RNF216: variants seen among roughly 807,000 people sequenced by gnomAD.
The protein encoded by RNF216 is E3 ubiquitin-protein ligase RNF216.
Under a neutral mutation model 110.8 loss-of-function variants are expected in RNF216, and 72 were observed. That is an observed-to-expected ratio of 0.65 (90% CI 0.54 to 0.79). The LOEUF (loss-of-function observed/expected upper bound fraction) is 0.79. RNF216 is among the 30% of genes least tolerant of loss of function. The probability of loss-of-function intolerance (pLI) is 0.00; values close to 1 mark genes in which losing one functional copy is unlikely to be tolerated. For synonymous variants in RNF216, 495 were observed against 407.5 expected, an observed-to-expected ratio of 1.21 and a Z score of -2.59; for missense variants, 1,342 against 1,141.2, an observed-to-expected ratio of 1.18 and a Z score of -2.54.
intron 2 of RNF216, among the ~76,000 whole-genome samples, chr7:5,756,135 C>T (rs950098744): frequency 1.8e-4 from 28 of 152,086 alleles, no homozygotes; most frequent in Non-Finnish European, 3.7e-4. Flanking sequence ...TTGAGGTGTC[C>T]GATGGTTTTA....
intron 13 of RNF216, among the ~76,000 whole-genome samples, chr7:5,652,795 A>G (rs1788480506): frequency 6.6e-6 from 1 of 152,160 alleles, no homozygotes; most frequent in Non-Finnish European, 1.5e-5. Flanking sequence ...GTCCCTTAAA[A>G]AAAAGACAAA....
chr7:5,741,114 G>A lies in RNF216; in HGVS notation c.903C>T (p.Asp301=). Residue 301 remains aspartate (D), a synonymous_variant, in exon 4 of 17, where the codon GAC becomes GAT. Transcript: ENST00000389902. ...CTTCATCATCACTTGCTAACTGCTG[G>A]TCTTCAAACTCTCCTAGAGGATGGG... ...QPAHPLGEFE[D]QQLASDDEEP... is the part of the protein sequence containing the mutation. 6.2e-7 allele frequency: 1 copy of A among 1,614,120 alleles called. No homozygotes were observed. Among genetic ancestry groups the A allele is most frequent in the Non-Finnish European group, 8.5e-7 (1 of 1,180,026 alleles).
intron 13 of RNF216, among the ~76,000 whole-genome samples, chr7:5,660,247 C>T (rs1326472244): frequency 7.4e-6 from 1 of 134,790 alleles, no homozygotes; most frequent in African/African-American, 2.8e-5. Context: ...GCCACAGAGC[C>T]CGGCCCTGTT....
chr7:5,669,778 G>A (rs1237157806), intron 13 of RNF216, among the ~76,000 whole-genome samples: 2 of 152,180 alleles, frequency 1.3e-5, no homozygotes, highest in African/African-American at 4.8e-5. Flanking sequence ...TGTGATCCAA[G>A]CTACTCGGGA....
chr7:5,738,202 A>G (rs1468022439), intron 5 of RNF216, among the ~76,000 whole-genome samples: 1 of 150,922 alleles, frequency 6.6e-6, no homozygotes, highest in African/African-American at 2.5e-5. Flanking sequence ...CTTATTTTTT[A>G]AAAAAGCATA....
At chr7:5,743,242 C>T (rs1055526799) in intron 3 of RNF216, among the ~76,000 whole-genome samples, 1 of 151,888 alleles carries the variant, frequency 6.6e-6, no homozygotes, top group Non-Finnish European at 1.5e-5. Context: ...AGCCTGGAGA[C>T]AGAGCAAGAC....
intron 13 of RNF216, among the ~76,000 whole-genome samples, chr7:5,708,941 C>A (rs1375558212): frequency 6.6e-6 from 1 of 152,218 alleles, no homozygotes; most frequent in Non-Finnish European, 1.5e-5. Flanking sequence ...CGTGGGTCCT[C>A]TGGCGCAGTA....
At chr7:5,779,439 A>C (rs1796953299) in intron 1 of RNF216, among the ~76,000 whole-genome samples, 1 of 152,140 alleles carries the variant, frequency 6.6e-6, no homozygotes, top group African/African-American at 2.4e-5. Context: ...TATGAAATAC[A>C]AAACCAAGGC....
intron 2 of RNF216, among the ~76,000 whole-genome samples, chr7:5,757,852 T>A (rs1437841872): frequency 2.6e-5 from 4 of 152,262 alleles, no homozygotes; most frequent in Admixed American, 6.5e-5. Context: ...GGTTGATGCA[T>A]AATAAAAAAT....
chr7:5,682,236 CA>C (rs1012044953), intron 13 of RNF216, among the ~76,000 whole-genome samples: 1 of 152,132 alleles, frequency 6.6e-6, no homozygotes, highest in Non-Finnish European at 1.5e-5. Flanking sequence ...ATCTAGACTC[CA>C]AAAATCCCTA....
chr7:5,720,210 C>G (rs1050963569), intron 9 of RNF216, among the ~76,000 whole-genome samples: 8 of 152,178 alleles, frequency 5.3e-5, no homozygotes, highest in African/African-American at 1.9e-4. Context: ...TGGGGACCCA[C>G]TTATGTGCTG....
At chr7:5,732,901 T>C (rs548829088) in intron 5 of RNF216, 97 of 152,372 alleles carry the variant, frequency 6.4e-4, no homozygotes, top group African/African-American at 2.3e-3. Context: ...TAGTTGTTGC[T>C]GCCTTCATCC....
rs1793514275 is a variant in RNF216 at position 5,722,770 on chromosome 7, C to T, written c.1505-1598G>A. The stretch of plus-strand genomic sequence containing the variant: ...GGCGCAGTGACTCACGCCTGTAATC[C>T]CAGCACTTTGGGAGGCCAAGGAGGG... On this transcript the variant is annotated intron_variant, in intron 8 of 16. Coordinates refer to ENST00000389902, the MANE Select transcript of RNF216 (RefSeq NM_207111.4). 2.6e-5 allele frequency among the ~76,000 whole-genome samples: 4 copies of T among 151,682 alleles called. No homozygotes were observed. In the South Asian group the frequency reaches 8.3e-4, roughly 32 times the overall value.
At position 5,671,048 on chromosome 7, in the gene RNF216, C is replaced by T. The variant is rs144145739; in HGVS notation, c.2062-18538G>A. ...TAATATCATTTGTTATAGCAACAAACGATACTTTTTTCTTTACAGAAACTG... is the reference window on the plus strand; with the variant it reads ...TAATATCATTTGTTATAGCAACAAATGATACTTTTTTCTTTACAGAAACTG... On this transcript the variant is annotated intron_variant, in intron 13 of 16. Transcript: ENST00000389902. Among the ~76,000 whole-genome samples the T allele has an allele frequency of 1.1e-3, 167 of 152,306 alleles. 1 individual carries two copies. The highest frequency in any genetic ancestry group is 3.4e-3 in the African/African-American group (143 of 41,564).
chr7:5,695,055 C>G (rs1054302730), intron 13 of RNF216, among the ~76,000 whole-genome samples: 1 of 152,182 alleles, frequency 6.6e-6, no homozygotes, highest in Non-Finnish European at 1.5e-5. Context: ...AATGGGGACA[C>G]AGATGGGTTA....
At chr7:5,675,326 A>G (rs997319329) in intron 13 of RNF216, among the ~76,000 whole-genome samples, 1 of 152,198 alleles carries the variant, frequency 6.6e-6, no homozygotes, top group African/African-American at 2.4e-5. Flanking sequence ...CCTGGGCCAT[A>G]TCCCAGGGGA....
intron 13 of RNF216, among the ~76,000 whole-genome samples, chr7:5,674,132 C>T (rs1467543493): frequency 1.3e-5 from 2 of 151,684 alleles, no homozygotes; most frequent in African/African-American, 2.4e-5. Context: ...TGGGTTCAAA[C>T]GATTCTCCTG....
chr7:5,643,917 C>T (rs1277993088), intron 14 of RNF216, among the ~76,000 whole-genome samples: 1 of 152,134 alleles, frequency 6.6e-6, no homozygotes, highest in Non-Finnish European at 1.5e-5. Flanking sequence ...TGCCCATATG[C>T]CTCTGATATT....
intron 13 of RNF216, among the ~76,000 whole-genome samples, chr7:5,697,359 T>A (rs1791694193): frequency 6.6e-6 from 1 of 152,200 alleles, no homozygotes; most frequent in Admixed American, 6.5e-5. Context: ...AAATGCTCAA[T>A]ACATATCTGC....
Sources: allele counts gnomAD v4.1 joint callset (sites outside exome capture counted in the v4.1 genomes callset), GRCh38; gene constraint gnomAD v4.1.1; transcripts MANE v1.5; gene names NCBI Gene and HGNC (gene_info 2026-07-23, HGNC 2026-07-21).